TNFSF11: variants seen among roughly 807,000 people sequenced by gnomAD.
TNFSF11 encodes tumor necrosis factor ligand superfamily member 11.
In TNFSF11, 12 loss-of-function variants were observed where a neutral mutation model predicts 32.2. That is an observed-to-expected ratio of 0.37 (90% CI 0.24 to 0.60). The LOEUF is 0.60. Among genes scored for constraint, TNFSF11 ranks in the 20% least tolerant of loss-of-function variants. TNFSF11 has a pLI of 0.66. For synonymous variants in TNFSF11, 172 were observed against 152.1 expected (o/e 1.13, Z -0.96); for missense variants, 345 against 398.0 (o/e 0.87, Z 1.13).
intron 2 of TNFSF11, among the ~76,000 whole-genome samples, chr13:42,595,409 C>T (rs1184393184): frequency 6.6e-6 from 1 of 152,178 alleles, no homozygotes; most frequent in Non-Finnish European, 1.5e-5. Flanking sequence ...TTCTTGGTAA[C>T]TTATTATTAA....
Position 42,581,151 on chromosome 13 carries a change from A to T in TNFSF11, c.245A>T (p.Asp82Val). Residue 82 changes from aspartate (D) to valine (V), a missense_variant, in exon 2 of 5, where the codon GAT (aspartate) becomes GTT (valine). Coordinates refer to ENST00000398795, the MANE Select transcript of TNFSF11 (RefSeq NM_003701.4). ...ATGGATCCTAATAGAATATCAGAAG[A>T]TGGCACTCACTGCATTTATAGAATT... is the stretch of plus-strand genomic sequence containing the variant. ...AQMDPNRISEDGTHCIYRILR... is the reference protein window; with the variant it reads ...AQMDPNRISEVGTHCIYRILR... 1 of 1,614,136 alleles carries T rather than the reference A, an allele frequency of 6.2e-7. No homozygotes were observed. Among genetic ancestry groups the T allele is most frequent in the South Asian group, 1.1e-5 (1 of 91,082 alleles).
At chr13:42,601,067 T>A in intron 4 of TNFSF11, 86 bp downstream of exon 4, 1 of 1,492,862 alleles carries the variant, frequency 6.7e-7, no homozygotes, top group Non-Finnish European at 9.3e-7. Context: ...TTTTAGTCTG[T>A]CACTGAATTT....
At chr13:42,591,282 A>C (rs895322147) in intron 2 of TNFSF11, among the ~76,000 whole-genome samples, 2 of 152,174 alleles carry the variant, frequency 1.3e-5, no homozygotes, top group Non-Finnish European at 2.9e-5. Context: ...TACAAATTTA[A>C]GGTGAGGATG....
chr13:42,576,817 A>G (rs954589973), intron 1 of TNFSF11, among the ~76,000 whole-genome samples: 5 of 152,238 alleles, frequency 3.3e-5, no homozygotes, highest in Non-Finnish European at 1.5e-5. Flanking sequence ...ATTTGTTTCA[A>G]AATAATTTCT....
At chr13:42,569,557 A>AG (rs1555308243), upstream of TNFSF11, among the ~76,000 whole-genome samples, 2 of 67,466 alleles carry the variant, frequency 3.0e-5, no homozygotes, top group Non-Finnish European at 8.2e-5. Context: ...CAAAAAAAAA[A>AG]AAAAGAAAAG....
chr13:42,573,689 A>G (rs1387618339), upstream of TNFSF11, among the ~76,000 whole-genome samples: 1 of 152,190 alleles, frequency 6.6e-6, no homozygotes, highest in Non-Finnish European at 1.5e-5. Flanking sequence ...ACTTTGAGAA[A>G]CTATATTTGG....
chr13:42,596,158 C>CA (rs1868797643), intron 2 of TNFSF11, among the ~76,000 whole-genome samples: 1 of 152,078 alleles, frequency 6.6e-6, no homozygotes, highest in Admixed American at 6.5e-5. Context: ...GGAATGGCTC[C>CA]AGCTTTGTGG....
At chr13:42,605,147 A>G (rs749392845) in intron 4 of TNFSF11, among the ~76,000 whole-genome samples, 4 of 152,098 alleles carry the variant, frequency 2.6e-5, no homozygotes, top group Admixed American at 6.5e-5. Flanking sequence ...GTCAGTTTTG[A>G]TGGATCTCTG....
At chr13:42,564,250 T>C (rs1423079059) in intron 1 of TNFSF11, among the ~76,000 whole-genome samples, 1 of 152,232 alleles carries the variant, frequency 6.6e-6, no homozygotes, top group Non-Finnish European at 1.5e-5. Flanking sequence ...CTGTTTTCTT[T>C]ACTATATGTA....
intron 2 of TNFSF11, among the ~76,000 whole-genome samples, chr13:42,585,055 T>C (rs1873816685): frequency 6.6e-6 from 1 of 152,216 alleles, no homozygotes; most frequent in African/African-American, 2.4e-5. Flanking sequence ...GCCATGTCTT[T>C]CCCTATGCCC....
upstream of TNFSF11, among the ~76,000 whole-genome samples, chr13:42,570,490 A>T (rs763135687): frequency 1.3e-5 from 2 of 152,234 alleles, no homozygotes; most frequent in Non-Finnish European, 2.9e-5. Context: ...TTTACAGTGG[A>T]GTATTGACAT....
intron 1 of TNFSF11, among the ~76,000 whole-genome samples, 179 bp downstream of exon 1, chr13:42,574,701 G>A (rs970445352): frequency 6.6e-6 from 1 of 152,106 alleles, no homozygotes; most frequent in Non-Finnish European, 1.5e-5. Flanking sequence ...GCGCAGGGCT[G>A]TCGGGCGCAC....
intron 1 of TNFSF11, among the ~76,000 whole-genome samples, chr13:42,564,295 C>A (rs971570944): frequency 2.0e-5 from 3 of 152,084 alleles, no homozygotes; most frequent in African/African-American, 7.3e-5. Flanking sequence ...AGGCTGGGCA[C>A]GGTGGCTCAC....
intron 2 of TNFSF11, among the ~76,000 whole-genome samples, chr13:42,582,663 G>C (rs1372466776): frequency 6.6e-6 from 1 of 152,194 alleles, no homozygotes; most frequent in Non-Finnish European, 1.5e-5. Context: ...TATCATTAGT[G>C]TGTAGGTGTT....
In TNFSF11 at chr13:42,581,251, A is replaced by G. The variant is rs1240331546; in HGVS notation, c.345A>G (p.Ser115=). The G allele has an allele frequency of 6.2e-7, 1 of 1,614,126 alleles. No homozygotes were observed. The highest frequency in any genetic ancestry group is 8.5e-7 in the Non-Finnish European group (1 of 1,179,972). ...ESQDTKLIPD[S]CRRIKQAFQG... ...AAGATACAAAATTAATACCTGATTC[A>G]TGTAGGAGAATTAAACAGGCCTTTC... The change falls in exon 2 of 5, where the codon TCA becomes TCG. Residue 115 remains serine (S), a synonymous_variant. Coordinates refer to ENST00000398795, the MANE Select transcript of TNFSF11 (RefSeq NM_003701.4).
chr13:42,569,318 G>A (rs1418339885), upstream of TNFSF11, among the ~76,000 whole-genome samples: 1 of 152,162 alleles, frequency 6.6e-6, no homozygotes, highest in African/African-American at 2.4e-5. Flanking sequence ...TGAGGCCGAG[G>A]TGGGTGGATC....
At chr13:42,606,312 C>T (rs147316131) in intron 4 of TNFSF11, among the ~76,000 whole-genome samples, 185 bp from the exon 5 acceptor site, 2 of 152,338 alleles carry the variant, frequency 1.3e-5, no homozygotes, top group East Asian at 3.9e-4. Flanking sequence ...TCTACTGTGC[C>T]TAACAGAATG....
At chr13:42,599,354 ATC>A (rs1869024063) in intron 2 of TNFSF11, among the ~76,000 whole-genome samples, 2 of 149,392 alleles carry the variant, frequency 1.3e-5, no homozygotes, top group South Asian at 4.3e-4. Flanking sequence ...TCTATCATCT[ATC>A]TATCTATCTA....
chr13:42,566,345 T>C (rs976649561), intron 1 of TNFSF11, among the ~76,000 whole-genome samples: 1 of 152,064 alleles, frequency 6.6e-6, no homozygotes, highest in African/African-American at 2.4e-5. Flanking sequence ...ATCTGACATA[T>C]CCAGAAGCAA....
Sources: gnomAD v4.1 joint callset for allele counts (sites outside exome capture counted in the v4.1 genomes callset) on GRCh38, gnomAD v4.1.1 for gene constraint, MANE v1.5 for transcripts, NCBI Gene and HGNC (gene_info 2026-07-23, HGNC 2026-07-21) for gene names.